The following LSAMP variants were observed in gnomAD, a reference collection of about 807,000 sequenced individuals.
The protein encoded by LSAMP is limbic system-associated membrane protein.
Under a neutral mutation model 38.6 loss-of-function variants are expected in LSAMP, and 7 were observed. That is an observed-to-expected ratio of 0.18 (90% CI 0.10 to 0.34). The LOEUF (loss-of-function observed/expected upper bound fraction) is 0.34. Among genes scored for constraint, LSAMP ranks in the 10% least tolerant of loss-of-function variants. LSAMP has a pLI of 1.00. For synonymous variants in LSAMP, 154 were observed against 166.8 expected, an observed-to-expected ratio of 0.92 and a Z score of 0.59; for missense variants, 313 against 420.0, an observed-to-expected ratio of 0.75 and a Z score of 2.23.
At chr3:116,272,259 A>G (rs2046984457) in intron 1 of LSAMP, among the ~76,000 whole-genome samples, 1 of 152,100 alleles carries the variant, frequency 6.6e-6, no homozygotes, top group Non-Finnish European at 1.5e-5. Context: ...GTCCTGTTTT[A>G]TCATGGGACT....
intron 2 of LSAMP, among the ~76,000 whole-genome samples, chr3:116,067,664 C>T (rs1204937340): frequency 6.6e-6 from 1 of 152,142 alleles, no homozygotes; most frequent in East Asian, 1.9e-4. Flanking sequence ...CCCTTTTTAA[C>T]TCCGTTAAAG....
At chr3:116,414,462 C>T (rs1305918647) in intron 1 of LSAMP, among the ~76,000 whole-genome samples, 3 of 152,198 alleles carry the variant, frequency 2.0e-5, no homozygotes, top group Non-Finnish European at 2.9e-5. Flanking sequence ...ATTTATTCTT[C>T]ATCAGACATA....
chr3:116,344,734 G>T (rs114428151), intron 1 of LSAMP, among the ~76,000 whole-genome samples: 99 of 152,194 alleles, frequency 6.5e-4, no homozygotes, highest in African/African-American at 2.3e-3. Context: ...ACCCAAAGAG[G>T]TTAAGTATTA....
intron 2 of LSAMP, among the ~76,000 whole-genome samples, chr3:116,030,158 T>C (rs1237520816): frequency 6.6e-6 from 1 of 152,156 alleles, no homozygotes; most frequent in African/African-American, 2.4e-5. Flanking sequence ...GTATATTAAA[T>C]TGAAATTTTT....
chr3:116,288,166 GAGTA>G (rs2047217005), intron 1 of LSAMP, among the ~76,000 whole-genome samples: 1 of 152,150 alleles, frequency 6.6e-6, no homozygotes, highest in African/African-American at 2.4e-5. Context: ...ATAGGGAAAA[GAGTA>G]AGAAAAAAAT....
intron 1 of LSAMP, among the ~76,000 whole-genome samples, chr3:116,335,183 G>A (rs2047902800): frequency 1.3e-5 from 2 of 151,898 alleles, no homozygotes; most frequent in Non-Finnish European, 2.9e-5. Flanking sequence ...AATATATGAT[G>A]AAAACAAACT....
At chr3:115,955,758 C>G (rs1477564954) in intron 3 of LSAMP, among the ~76,000 whole-genome samples, 1 of 152,114 alleles carries the variant, frequency 6.6e-6, no homozygotes, top group Non-Finnish European at 1.5e-5. Context: ...CTTACAGCAC[C>G]CACACCCTAC....
intron 2 of LSAMP, among the ~76,000 whole-genome samples, chr3:116,031,029 A>C (rs1054840281): frequency 4.6e-5 from 7 of 152,160 alleles, no homozygotes; most frequent in Admixed American, 3.3e-4. Flanking sequence ...TTTTGAATTG[A>C]AAAAATTGAA....
rs956339684 is a variant in LSAMP at position 115,808,181 on chromosome 3, C to A, written c.*2136G>T. On this transcript the variant is annotated 3_prime_UTR_variant, in exon 7 of 7. Coordinates refer to ENST00000490035, the MANE Select transcript of LSAMP (RefSeq NM_002338.5). ...TCCCCGTCCCCCCCTCCCTGCCTTC[C>A]TTCCTTCCTTCCTTCCTTCTTTCCT... 5 of 127,854 alleles carry A rather than the reference C, an allele frequency of 3.9e-5. No individual in the cohort carries two copies. The highest frequency in any genetic ancestry group is 8.2e-5 in the Admixed American group (1 of 12,124). The allele number at this position is 127,854 out of a possible 1,614,324, so 7.9% of individuals were successfully genotyped here. A position where few individuals can be genotyped will look rare whatever the true frequency, so the allele number is the denominator to read the frequency against.
At chr3:116,033,657 G>A (rs1301181466) in intron 2 of LSAMP, among the ~76,000 whole-genome samples, 1 of 152,100 alleles carries the variant, frequency 6.6e-6, no homozygotes, top group East Asian at 1.9e-4. Flanking sequence ...TGGCAGCCAC[G>A]ACCCTCTGTG....
chr3:115,836,309 T>C (rs1354154828), intron 6 of LSAMP, among the ~76,000 whole-genome samples: 1 of 152,210 alleles, frequency 6.6e-6, no homozygotes, highest in African/African-American at 2.4e-5. Flanking sequence ...TGCTTCTCCA[T>C]CCCAATTTTT....
intron 3 of LSAMP, among the ~76,000 whole-genome samples, chr3:115,990,777 G>T (rs1178319943): frequency 6.6e-6 from 1 of 152,062 alleles, no homozygotes; most frequent in African/African-American, 2.4e-5. Flanking sequence ...GAGGTCTTAG[G>T]ACATTTGTTC....
At chr3:116,265,438 T>C (rs948138646) in intron 1 of LSAMP, among the ~76,000 whole-genome samples, 1 of 152,218 alleles carries the variant, frequency 6.6e-6, no homozygotes, top group Non-Finnish European at 1.5e-5. Context: ...ATCCACACAT[T>C]GACGGTTCAT....
intron 2 of LSAMP, among the ~76,000 whole-genome samples, chr3:116,022,502 TCTGTTAG>T (rs983829974): frequency 1.3e-5 from 2 of 152,168 alleles, no homozygotes; most frequent in Non-Finnish European, 1.5e-5. Context: ...ATGGACAATT[TCTGTTAG>T]CTTGTTTTTC....
intron 1 of LSAMP, among the ~76,000 whole-genome samples, chr3:116,398,883 T>C (rs2048804620): frequency 6.6e-6 from 1 of 152,048 alleles, no homozygotes; most frequent in Non-Finnish European, 1.5e-5. Context: ...ATAGACAGTG[T>C]TGAATGTAAA....
chr3:116,092,133 A>G (rs1303492182), intron 1 of LSAMP, among the ~76,000 whole-genome samples: 1 of 152,236 alleles, frequency 6.6e-6, no homozygotes, highest in East Asian at 1.9e-4. Context: ...GAAATGTGGA[A>G]TAAACAAGCT....
chr3:116,312,830 T>C lies in LSAMP; in HGVS notation c.155+132047A>G, dbSNP rs755068224. ...GTTCCAAAAAATCCAATATTTGTCT[T>C]TGCAAGTGTGTGTGTATGTGTGTTT... On this transcript the variant is annotated intron_variant, in intron 1 of 6. Coordinates refer to ENST00000490035, the MANE Select transcript of LSAMP (RefSeq NM_002338.5). 5.6e-4 allele frequency among the ~76,000 whole-genome samples: 85 copies of C among 152,196 alleles called. 1 individual carries two copies. Among genetic ancestry groups the C allele is most frequent in the Non-Finnish European group, 1.0e-3 (68 of 68,040 alleles).
intron 1 of LSAMP, among the ~76,000 whole-genome samples, chr3:116,211,225 G>A (rs13091729): frequency 0.61 from 92,994 of 152,004 alleles, 29,025 homozygotes; most frequent in East Asian, 0.76. Context: ...GTCAAAGGAT[G>A]CAAAATTGCA....
intron 3 of LSAMP, among the ~76,000 whole-genome samples, chr3:115,957,970 C>T (rs1441696527): frequency 6.6e-6 from 1 of 152,076 alleles, no homozygotes; most frequent in African/African-American, 2.4e-5. Flanking sequence ...GGAAGGTTTT[C>T]TGGCCCCAAA....
Sources: gnomAD v4.1 joint callset for allele counts (sites outside exome capture counted in the v4.1 genomes callset) on GRCh38, gnomAD v4.1.1 for gene constraint, MANE v1.5 for transcripts, NCBI Gene and HGNC (gene_info 2026-07-23, HGNC 2026-07-21) for gene names.